Variants in GABRB1 observed in about 807,000 individuals in gnomAD.
The protein encoded by GABRB1 is gamma-aminobutyric acid type A receptor subunit beta1, also known as gamma-aminobutyric acid receptor subunit beta-1.
Under a neutral mutation model 51.6 loss-of-function variants are expected in GABRB1, and 17 were observed. That is an observed-to-expected ratio of 0.33 (90% CI 0.23 to 0.49). The LOEUF is 0.49. Among genes scored for constraint, GABRB1 ranks in the 20% least tolerant of loss-of-function variants. GABRB1 has a pLI of 0.99. For synonymous variants in GABRB1, 247 were observed against 218.9 expected (o/e 1.13, Z -1.14); for missense variants, 410 against 600.6 (o/e 0.68, Z 3.32).
chr4:47,074,439 C>T (rs1727467797), intron 3 of GABRB1, among the ~76,000 whole-genome samples: 1 of 152,154 alleles, frequency 6.6e-6, no homozygotes, highest in Admixed American at 6.5e-5. Context: ...CATACAAAGG[C>T]ATGGAATTGC....
intron 3 of GABRB1, among the ~76,000 whole-genome samples, chr4:47,107,422 A>AT (rs1246497370): frequency 9.9e-5 from 15 of 151,726 alleles, no homozygotes; most frequent in African/African-American, 3.1e-4. Context: ...TCCCACTGTG[A>AT]TTTTTTTTCA....
At chr4:47,229,546 C>T (rs1490628186) in intron 4 of GABRB1, among the ~76,000 whole-genome samples, 3 of 152,134 alleles carry the variant, frequency 2.0e-5, no homozygotes, top group Non-Finnish European at 2.9e-5. Context: ...GATATAGTCA[C>T]TTCTTAATCT....
chr4:47,052,183 A>G (rs1726381220), intron 3 of GABRB1, among the ~76,000 whole-genome samples: 1 of 152,178 alleles, frequency 6.6e-6, no homozygotes, highest in Admixed American at 6.5e-5. Flanking sequence ...CAGGAAGCAG[A>G]AGACCTGTGC....
At chr4:47,395,449 C>A (rs965570238) in intron 5 of GABRB1, among the ~76,000 whole-genome samples, 3 of 152,142 alleles carry the variant, frequency 2.0e-5, no homozygotes, top group Non-Finnish European at 2.9e-5. Flanking sequence ...ACCCATAATC[C>A]AATCACCTCT....
At chr4:47,218,182 A>G (rs1248119899) in intron 4 of GABRB1, among the ~76,000 whole-genome samples, 3 of 151,756 alleles carry the variant, frequency 2.0e-5, no homozygotes. Context: ...TATTTTTATA[A>G]CCAAATAGTA....
At chr4:47,232,778 C>A (rs1560596052) in intron 4 of GABRB1, among the ~76,000 whole-genome samples, 1 of 152,048 alleles carries the variant, frequency 6.6e-6, no homozygotes, top group Admixed American at 6.6e-5. Flanking sequence ...AAAAGGTCAT[C>A]AAATTCTTCA....
chr4:47,374,018 C>A (rs557216210), intron 5 of GABRB1, among the ~76,000 whole-genome samples: 1 of 152,244 alleles, frequency 6.6e-6, no homozygotes, highest in East Asian at 1.9e-4. Flanking sequence ...CACAAATACT[C>A]ACAGCTCAGT....
At chr4:47,303,108 T>A (rs1307050197) in intron 4 of GABRB1, among the ~76,000 whole-genome samples, 1 of 151,880 alleles carries the variant, frequency 6.6e-6, no homozygotes, top group Admixed American at 6.6e-5. Context: ...AAATGCACAT[T>A]TATTTACTCT....
intron 3 of GABRB1, among the ~76,000 whole-genome samples, chr4:47,097,079 T>C (rs1229331950): frequency 6.6e-6 from 1 of 152,156 alleles, no homozygotes; most frequent in Non-Finnish European, 1.5e-5. Flanking sequence ...GCATCCAGAG[T>C]GATCCTAAAA....
chr4:47,394,989 C>T (rs1728133140), intron 5 of GABRB1, among the ~76,000 whole-genome samples: 1 of 152,180 alleles, frequency 6.6e-6, no homozygotes, highest in Non-Finnish European at 1.5e-5. Context: ...GACATAGAAG[C>T]TGGTCTCAGC....
chr4:47,056,165 A>G (rs374802052), intron 3 of GABRB1, among the ~76,000 whole-genome samples: 4 of 152,208 alleles, frequency 2.6e-5, no homozygotes, highest in African/African-American at 9.7e-5. Context: ...TCATTGAAAA[A>G]TAGACCTTAA....
intron 4 of GABRB1, among the ~76,000 whole-genome samples, chr4:47,288,571 A>G (rs1426629153): frequency 6.6e-6 from 1 of 152,082 alleles, no homozygotes; most frequent in Non-Finnish European, 1.5e-5. Context: ...CAGGGCTTCT[A>G]TCTTAATAAT....
intron 5 of GABRB1, among the ~76,000 whole-genome samples, chr4:47,401,689 G>A (rs1033772948): frequency 2.0e-5 from 3 of 152,170 alleles, no homozygotes; most frequent in Non-Finnish European, 4.4e-5. Context: ...GAAGGAATCT[G>A]GGTTGAATAT....
intron 3 of GABRB1, among the ~76,000 whole-genome samples, chr4:47,064,069 A>T (rs906694316): frequency 2.0e-4 from 31 of 152,168 alleles, no homozygotes; most frequent in African/African-American, 6.8e-4. Flanking sequence ...AAATTAAATT[A>T]AAAAAATAAT....
intron 8 of GABRB1, among the ~76,000 whole-genome samples, chr4:47,425,271 G>A (rs543768610): frequency 1.2e-4 from 18 of 152,166 alleles, no homozygotes; most frequent in Admixed American, 2.0e-4. Context: ...TGGAAGCCAA[G>A]CGAGATGTTA....
chr4:47,350,198 T>TAG (rs1726261011), intron 5 of GABRB1, among the ~76,000 whole-genome samples: 2 of 80,288 alleles, frequency 2.5e-5, no homozygotes, highest in Admixed American at 1.4e-4. Flanking sequence ...TATATATATA[T>TAG]ATATATATAT....
At chr4:47,068,145 G>T (rs184854824) in intron 3 of GABRB1, among the ~76,000 whole-genome samples, 1 of 152,218 alleles carries the variant, frequency 6.6e-6, no homozygotes, top group Admixed American at 6.5e-5. Context: ...CTTTTCTTCT[G>T]CAACTTCCTC....
intron 3 of GABRB1, among the ~76,000 whole-genome samples, chr4:47,034,889 G>C (rs1399949995): frequency 1.3e-5 from 2 of 152,080 alleles, no homozygotes; most frequent in Non-Finnish European, 2.9e-5. Context: ...AAGACTTATT[G>C]CTTATTGCTT....
intron 5 of GABRB1, among the ~76,000 whole-genome samples, chr4:47,329,849 C>A (rs1202745194): frequency 6.6e-6 from 1 of 150,674 alleles, no homozygotes; most frequent in African/African-American, 2.4e-5. Context: ...ATATAGAGAG[C>A]GAGTGAGAAA....
Sources: gnomAD v4.1 joint callset for allele counts (sites outside exome capture counted in the v4.1 genomes callset) on GRCh38, gnomAD v4.1.1 for gene constraint, MANE v1.5 for transcripts, NCBI Gene and HGNC (gene_info 2026-07-23, HGNC 2026-07-21) for gene names.